The following PBX3 variants were observed in gnomAD, a reference collection of about 807,000 sequenced individuals.
PBX3 encodes the protein PBX homeobox 3, also known as pre-B-cell leukemia transcription factor 3.
PBX3 carries 14 observed loss-of-function variants against 48.5 expected under a neutral mutation model. The ratio of observed to expected loss-of-function variants is 0.29; its 90% CI spans 0.19 to 0.45. The LOEUF (loss-of-function observed/expected upper bound fraction) is 0.45. Ranked by LOEUF, PBX3 falls within the 20% of genes least tolerant of loss-of-function variation. The probability of loss-of-function intolerance (pLI) is 1.00; values close to 1 mark genes in which losing one functional copy is unlikely to be tolerated. For synonymous variants in PBX3, 210 were observed against 200.3 expected (o/e 1.05, Z -0.41); for missense variants, 386 against 546.7 (o/e 0.71, Z 2.93).
intron 2 of PBX3, among the ~76,000 whole-genome samples, chr9:125,854,866 C>G (rs1332701931): frequency 6.6e-6 from 1 of 152,136 alleles, no homozygotes; most frequent in Non-Finnish European, 1.5e-5. Flanking sequence ...TGGCTTTAAA[C>G]TAGTTACTGG....
chr9:125,915,666 C>G lies in PBX3; in HGVS notation c.275-20C>G, dbSNP rs954546187. On this transcript the variant is annotated intron_variant, in intron 2 of 8. Transcript: ENST00000373489. ...TTTCTCGCTTCTTCTCTCTCTGTCT[C>G]TCTCTCTCTTTCCTTGAAGGTCTCA... 3 of 1,583,058 alleles carry G rather than the reference C, an allele frequency of 1.9e-6. No homozygotes were observed. The highest frequency in any genetic ancestry group is 2.6e-6 in the Non-Finnish European group (3 of 1,160,802).
chr9:125,936,173 A>G (rs764700954), intron 5 of PBX3, among the ~76,000 whole-genome samples: 6 of 152,216 alleles, frequency 3.9e-5, no homozygotes, highest in African/African-American at 4.8e-5. Context: ...ATGTTTATTT[A>G]TAATAATTTC....
chr9:125,749,560 C>CTTTTTTTTTTTTTT (rs75281692), intron 2 of PBX3: 2 of 115,346 alleles, frequency 1.7e-5, no homozygotes, highest in Non-Finnish European at 3.9e-5. Flanking sequence ...TCTTTTCTTT[C>CTTTTTTTTTTTTTT]TTTTTTTTTT....
At chr9:125,915,328 AAAACATTC>A (rs1371239562) in intron 2 of PBX3, among the ~76,000 whole-genome samples, 1 of 152,074 alleles carries the variant, frequency 6.6e-6, no homozygotes, top group East Asian at 1.9e-4. Flanking sequence ...TTTCTTTCTT[AAAACATTC>A]AATTTTTTAC....
At chr9:125,870,079 A>G (rs1032437159) in intron 2 of PBX3, among the ~76,000 whole-genome samples, 11 of 134,784 alleles carry the variant, frequency 8.2e-5, no homozygotes, top group Admixed American at 6.8e-4. Flanking sequence ...AGGCTGCACT[A>G]TCTCAGCTCA....
At chr9:125,763,370 T>C (rs560260084) in intron 2 of PBX3, among the ~76,000 whole-genome samples, 39 of 152,362 alleles carry the variant, frequency 2.6e-4, no homozygotes, top group Non-Finnish European at 4.3e-4. Flanking sequence ...CAAAAAGATA[T>C]TGTTACCGAT....
intron 2 of PBX3, among the ~76,000 whole-genome samples, chr9:125,853,899 A>G (rs1358445159): frequency 6.6e-6 from 1 of 152,208 alleles, no homozygotes; most frequent in East Asian, 1.9e-4. Flanking sequence ...TAAATACTTT[A>G]GCTATGCCCA....
chr9:125,925,135 A>G (rs1841544530), intron 3 of PBX3, among the ~76,000 whole-genome samples: 1 of 152,234 alleles, frequency 6.6e-6, no homozygotes, highest in Non-Finnish European at 1.5e-5. Context: ...ATATTGCTTC[A>G]TCAAGGACAT....
At chr9:125,924,058 T>G (rs766054215) in intron 3 of PBX3, among the ~76,000 whole-genome samples, 2 of 145,706 alleles carry the variant, frequency 1.4e-5, no homozygotes, top group Non-Finnish European at 3.0e-5. Flanking sequence ...ATTATAGAGA[T>G]GAGATCTTGC....
At chr9:125,875,490 C>T (rs941292317) in intron 2 of PBX3, among the ~76,000 whole-genome samples, 1 of 152,002 alleles carries the variant, frequency 6.6e-6, no homozygotes, top group African/African-American at 2.4e-5. Flanking sequence ...TTTGAAGGCT[C>T]ATTAAGGCTA....
At chr9:125,869,750 A>G (rs182013458) in intron 2 of PBX3, among the ~76,000 whole-genome samples, 12 of 152,336 alleles carry the variant, frequency 7.9e-5, no homozygotes, top group Admixed American at 6.5e-4. Flanking sequence ...TAATTTCTAA[A>G]GGATATATTT....
At chr9:125,779,152 C>T (rs982429331) in intron 2 of PBX3, among the ~76,000 whole-genome samples, 15 of 144,158 alleles carry the variant, frequency 1.0e-4, no homozygotes, top group Admixed American at 4.8e-4. Context: ...ATCTGGAATC[C>T]TACAATATTT....
In PBX3 at chr9:125,959,072, G is replaced by A. The variant is rs147370201; in HGVS notation, c.844-1612G>A. Among the ~76,000 whole-genome samples, 51 of 152,338 alleles carry A rather than the reference G, an allele frequency of 3.3e-4. No homozygotes were observed. In the East Asian group the frequency reaches 9.6e-3, roughly 29 times the overall value. Reference sequence around the variant, plus strand: ...CAAGGCCATTGGATTTGGGACTGGTGTCATGCCAGTATAACCACTCCCATC... The same window carrying A: ...CAAGGCCATTGGATTTGGGACTGGTATCATGCCAGTATAACCACTCCCATC... On this transcript the variant is annotated intron_variant, in intron 5 of 8. Coordinates refer to ENST00000373489, the MANE Select transcript of PBX3 (RefSeq NM_006195.6).
intron 2 of PBX3, among the ~76,000 whole-genome samples, chr9:125,890,257 A>G (rs1410715485): frequency 1.3e-5 from 2 of 152,182 alleles, no homozygotes; most frequent in African/African-American, 2.4e-5. Context: ...CTTCAAAACA[A>G]TGGTGGTTGA....
intron 2 of PBX3, among the ~76,000 whole-genome samples, chr9:125,866,235 A>G (rs1260206500): frequency 6.6e-6 from 1 of 152,178 alleles, no homozygotes; most frequent in Non-Finnish European, 1.5e-5. Context: ...AAGTCATTCT[A>G]TGTCATCATC....
chr9:125,865,607 A>G (rs985366158), intron 2 of PBX3, among the ~76,000 whole-genome samples: 48 of 152,256 alleles, frequency 3.2e-4, no homozygotes, highest in Admixed American at 5.2e-4. Flanking sequence ...TATAGCCCCA[A>G]TGGGAATTTC....
intron 3 of PBX3, among the ~76,000 whole-genome samples, chr9:125,919,742 G>C (rs1841416819): frequency 6.6e-6 from 1 of 152,174 alleles, no homozygotes; most frequent in South Asian, 2.1e-4. Flanking sequence ...TCTGAAGACT[G>C]TTTAGATTTA....
chr9:125,793,070 T>G (rs1162786988), intron 2 of PBX3, among the ~76,000 whole-genome samples: 1 of 151,750 alleles, frequency 6.6e-6, no homozygotes, highest in African/African-American at 2.4e-5. Context: ...AAAAATATAT[T>G]GGCCAGGTAC....
At chr9:125,763,585 A>G (rs993137049) in intron 2 of PBX3, among the ~76,000 whole-genome samples, 2 of 152,174 alleles carry the variant, frequency 1.3e-5, no homozygotes, top group Non-Finnish European at 2.9e-5. Context: ...AATCCACACG[A>G]TTCACCCTGT....
Sources: allele counts gnomAD v4.1 joint callset (sites outside exome capture counted in the v4.1 genomes callset), GRCh38; gene constraint gnomAD v4.1.1; transcripts MANE v1.5; gene names NCBI Gene and HGNC (gene_info 2026-07-23, HGNC 2026-07-21).